ESR2: variants seen among roughly 807,000 people sequenced by gnomAD.
The protein encoded by ESR2 is estrogen receptor 2.
In ESR2, 36 loss-of-function variants were observed where a neutral mutation model predicts 49.6. The observed-to-expected ratio is 0.73, with a 90% CI of 0.56 to 0.96. The LOEUF is 0.96. Among genes scored for constraint, ESR2 ranks in the 40% least tolerant of loss-of-function variants. The pLI, the probability that ESR2 is intolerant of heterozygous loss-of-function variation, is 0.00. For synonymous variants in ESR2, 320 were observed against 266.1 expected (o/e 1.20, Z -1.97); for missense variants, 714 against 693.0 (o/e 1.03, Z -0.34).
At chr14:64,277,480 C>T (rs1045767349) in intron 3 of ESR2, among the ~76,000 whole-genome samples, 1 of 151,832 alleles carries the variant, frequency 6.6e-6, no homozygotes, top group African/African-American at 2.4e-5. Flanking sequence ...AAAAAATTAG[C>T]AGGGTGTGGT....
chr14:64,240,983 A>G (rs1484878386), intron 7 of ESR2, among the ~76,000 whole-genome samples: 1 of 151,630 alleles, frequency 6.6e-6, no homozygotes, highest in Non-Finnish European at 1.5e-5. Context: ...TCTCTACTAA[A>G]AATACAAAAA....
chr14:64,320,796 G>A (rs2077316681), intron 1 of ESR2, among the ~76,000 whole-genome samples: 1 of 152,128 alleles, frequency 6.6e-6, no homozygotes, highest in South Asian at 2.1e-4. Context: ...TCAGGAGGCT[G>A]AGGCAGGAGA....
At chr14:64,228,076 A>AT, downstream of ESR2, 1 of 1,366,302 alleles carries the variant, frequency 7.3e-7, no homozygotes, top group South Asian at 1.9e-5. Context: ...CAAGTGTGAG[A>AT]TTAGCTGACT....
chr14:64,296,299 A>G (rs2076957275), upstream of ESR2, among the ~76,000 whole-genome samples: 2 of 152,212 alleles, frequency 1.3e-5, no homozygotes, highest in Non-Finnish European at 2.9e-5. Flanking sequence ...CAGTGAGGAA[A>G]TTGAGGCTCA....
chr14:64,280,224 A>G (rs2076637577), intron 2 of ESR2, 71 bp from the exon 3 acceptor site: 2 of 1,149,906 alleles, frequency 1.7e-6, no homozygotes, highest in East Asian at 2.4e-5. Flanking sequence ...GGAAAAAAAA[A>G]TAGCATGAAC....
chr14:64,307,275 G>C (rs1458333742), intron 1 of ESR2, among the ~76,000 whole-genome samples: 1 of 151,728 alleles, frequency 6.6e-6, no homozygotes, highest in African/African-American at 2.4e-5. Flanking sequence ...GCAGTGGCAC[G>C]ATCTCGGCTC....
intron 4 of ESR2, among the ~76,000 whole-genome samples, chr14:64,262,263 C>T (rs1172079855): frequency 1.3e-5 from 2 of 151,954 alleles, no homozygotes; most frequent in East Asian, 3.9e-4. Flanking sequence ...TACAAGTGTG[C>T]ACCACCACAT....
At chr14:64,305,060 G>A (rs1244220410) in intron 1 of ESR2, among the ~76,000 whole-genome samples, 4 of 152,098 alleles carry the variant, frequency 2.6e-5, no homozygotes, top group Non-Finnish European at 4.4e-5. Flanking sequence ...GGAGGCTGAG[G>A]TGGGTGGATC....
chr14:64,240,568 C>T (rs1403218424), intron 7 of ESR2, among the ~76,000 whole-genome samples: 2 of 152,170 alleles, frequency 1.3e-5, no homozygotes, highest in Non-Finnish European at 2.9e-5. Context: ...ATAACCTGCA[C>T]ATATTTTGCG....
intron 7 of ESR2, among the ~76,000 whole-genome samples, chr14:64,239,549 C>CT (rs1176625163): frequency 2.0e-5 from 3 of 152,296 alleles, no homozygotes; most frequent in Admixed American, 2.0e-4. Context: ...TAATTACACT[C>CT]TAATTCCTAA....
Position 64,260,446 on chromosome 14 carries a change from T to C in ESR2, c.952+3A>G. On this transcript the variant is annotated splice_donor_region_variant and intron_variant, in intron 5 of 8. Transcript: ENST00000341099. ...TGGAAAACTGATAGCCAGAAAGCCC[T>C]ACCGGGAATCTTCTTGGCCCAGCTG... is the stretch of plus-strand genomic sequence containing the variant. 1 of 1,522,710 alleles carries C rather than the reference T, an allele frequency of 6.6e-7. No homozygotes were observed. The highest frequency in any genetic ancestry group is 8.8e-7 in the Non-Finnish European group (1 of 1,136,634). The allele number at this position is 1,522,710 out of a possible 1,614,324, so 94.3% of individuals were successfully genotyped here.
intron 7 of ESR2, among the ~76,000 whole-genome samples, chr14:64,236,781 T>C (rs2075610710): frequency 6.6e-6 from 1 of 151,966 alleles, no homozygotes; most frequent in Non-Finnish European, 1.5e-5. Flanking sequence ...CTCCCTACCA[T>C]CCCACCCTAA....
intron 1 of ESR2, among the ~76,000 whole-genome samples, chr14:64,325,378 G>T (rs1245130795): frequency 6.6e-6 from 1 of 152,060 alleles, no homozygotes; most frequent in Admixed American, 6.6e-5. Flanking sequence ...TTAGAAAGAA[G>T]GTAGGAAAAA....
rs1220415247 is a variant in ESR2 at position 64,233,398 on chromosome 14, CTT to C, written c.1407-77_1407-76del. ...GAACCCCGAAGCCTTCCCCGGCTCTCTTTGCTCAGAGCCAGTCTACCCCACCC... is the reference window on the plus strand; with the variant it reads ...GAACCCCGAAGCCTTCCCCGGCTCTCTGCTCAGAGCCAGTCTACCCCACCC... On this transcript the variant is annotated intron_variant, in intron 8 of 8. Coordinates refer to ENST00000341099, the MANE Select transcript of ESR2 (RefSeq NM_001437.3). 48 of 1,458,560 alleles carry C rather than the reference CTT, an allele frequency of 3.3e-5. 3 individuals carry two copies. The South Asian group carries it at 4.7e-4, about 14-fold the overall frequency. 90.4% of individuals were successfully genotyped at this position (1,458,560 alleles called of 1,614,324 possible).
intron 1 of ESR2, among the ~76,000 whole-genome samples, chr14:64,320,239 C>A (rs186149456): frequency 6.6e-6 from 1 of 152,022 alleles, no homozygotes; most frequent in African/African-American, 2.4e-5. Context: ...TCCAAATACA[C>A]GACATTCTGG....
rs1270399375 is a variant in ESR2, at chr14:64,234,708, CA to C, written c.1406+261del. 3 of 670,798 alleles carry C rather than the reference CA, an allele frequency of 4.5e-6. No homozygotes were observed. In the African/African-American group the frequency reaches 5.4e-5, roughly 12 times the overall value. The allele number at this position is 670,798 out of a possible 1,614,324, so 41.6% of individuals were successfully genotyped here. A position where few individuals can be genotyped will look rare whatever the true frequency, so the allele number is the denominator to read the frequency against. On this transcript the variant is annotated intron_variant, in intron 8 of 8. Coordinates refer to ENST00000341099, the MANE Select transcript of ESR2 (RefSeq NM_001437.3). The stretch of plus-strand genomic sequence containing the variant: ...ACTGCCCCTTTTAGGACTCCATAAA[CA>C]GGCTATAAACCCCAGCAATTGAAAA...
intron 7 of ESR2, among the ~76,000 whole-genome samples, chr14:64,244,941 T>C (rs979254465): frequency 1.3e-5 from 2 of 152,214 alleles, no homozygotes; most frequent in Non-Finnish European, 2.9e-5. Flanking sequence ...TCCTCGTTTG[T>C]GTCCCTCCTC....
chr14:64,305,755 C>A (rs924139963), intron 1 of ESR2, among the ~76,000 whole-genome samples: 2 of 152,090 alleles, frequency 1.3e-5, no homozygotes, highest in South Asian at 2.1e-4. Context: ...TAATGTCCAT[C>A]TGGTTGATGC....
intron 7 of ESR2, among the ~76,000 whole-genome samples, chr14:64,246,766 A>AAAAAAAAAAAAAAC (rs1567739377): frequency 2.2e-5 from 3 of 133,878 alleles, no homozygotes; most frequent in African/African-American, 8.3e-5. Context: ...AAAAAAAAAA[A>AAAAAAAAAAAAAAC]ACACACCTGG....
Sources: allele counts gnomAD v4.1 joint callset (sites outside exome capture counted in the v4.1 genomes callset), GRCh38; gene constraint gnomAD v4.1.1; transcripts MANE v1.5; gene names NCBI Gene and HGNC (gene_info 2026-07-23, HGNC 2026-07-21).